Variants in ZNF577 observed in about 807,000 individuals in gnomAD.
ZNF577 encodes zinc finger protein 577.
Under a neutral mutation model 13.9 loss-of-function variants are expected in ZNF577, and 14 were observed. That is an observed-to-expected ratio of 1.00 (90% CI 0.66 to 1.57). The LOEUF is 1.57. Among genes scored for constraint, ZNF577 ranks in the 40% most tolerant of loss-of-function variants. ZNF577 has a pLI of 0.00. For synonymous variants in ZNF577, 203 were observed against 202.9 expected, an observed-to-expected ratio of 1.00 and a Z score of 0.00; for missense variants, 555 against 579.2, an observed-to-expected ratio of 0.96 and a Z score of 0.43.
At position 51,883,381 on chromosome 19, in the gene ZNF577, T is replaced by C. The variant is rs370166841; in HGVS notation, c.-218-2504A>G. Among the ~76,000 whole-genome samples, 11 of 152,154 alleles carry C rather than the reference T, an allele frequency of 7.2e-5. No individual in the cohort carries two copies. In the East Asian group the frequency reaches 1.7e-3, roughly 24 times the overall value. On this transcript the variant is annotated intron_variant, in intron 1 of 5. Coordinates refer to ENST00000638348, the MANE Select transcript of ZNF577 (RefSeq NM_001370449.1). The stretch of plus-strand genomic sequence containing the variant: ...CTCAAGCAATCCTCCCACCTCAGCC[T>C]CCCAAAGTGCTAGGATTACAGGCAT...
Position 51,868,738 on chromosome 19 carries a change from T to C in ZNF577, c.*3794A>G, listed in dbSNP as rs1349031140. 6.6e-6 allele frequency among the ~76,000 whole-genome samples: 1 copy of C among 152,206 alleles called. No homozygotes were observed. Among genetic ancestry groups the C allele is most frequent in the Non-Finnish European group, 1.5e-5 (1 of 68,034 alleles). On this transcript the variant is annotated 3_prime_UTR_variant, in exon 6 of 6. Transcript: ENST00000638348. ...GGGAAAGAAAGATAGATCAGACTGC[T>C]ACTGTGTCTATGTAGAAAAAGGAAG...
intron 5 of ZNF577, among the ~76,000 whole-genome samples, chr19:51,846,496 C>T (rs1363060608): frequency 6.6e-6 from 1 of 151,820 alleles, no homozygotes; most frequent in Non-Finnish European, 1.5e-5. Context: ...TCACTTGAGG[C>T]CAGGAGTTTG....
In ZNF577 at chr19:51,880,196, A is replaced by T; in HGVS notation, c.60+127T>A. On this transcript the variant is annotated intron_variant, in intron 3 of 5. Coordinates refer to ENST00000638348, the MANE Select transcript of ZNF577 (RefSeq NM_001370449.1). The stretch of plus-strand genomic sequence containing the variant: ...TACTCCTTAGCTTACCCCACTAAAC[A>T]ACAGGAAAAAGCCATAGAAAACATC... The T allele has an allele frequency of 3.0e-6, 3 of 1,005,318 alleles. No individual in the cohort carries two copies. In the South Asian group the frequency reaches 4.2e-5, roughly 14 times the overall value. The allele number at this position is 1,005,318 out of a possible 1,614,324, so 62.3% of individuals were successfully genotyped here.
chr19:51,856,029 G>A (rs1217023238), intron 5 of ZNF577: 2 of 152,120 alleles, frequency 1.3e-5, no homozygotes, highest in Non-Finnish European at 2.9e-5. Flanking sequence ...TATTTTTAAT[G>A]AGGTTCAAAA....
chr19:51,841,011 G>C (rs1450539030), intron 8 of ZNF577: 1 of 152,108 alleles, frequency 6.6e-6, no homozygotes. Flanking sequence ...CTAAGGGTAA[G>C]ACAAATTAGG....
At chr19:51,806,433 T>A (rs568884546) in intron 10 of ZNF577, among the ~76,000 whole-genome samples, 10 of 152,356 alleles carry the variant, frequency 6.6e-5, no homozygotes, top group African/African-American at 2.4e-4. Context: ...TGCCAATGTC[T>A]TTCTGCTGGA....
chr19:51,875,383 A>AG (rs1568448283), intron 5 of ZNF577, among the ~76,000 whole-genome samples: 2 of 148,260 alleles, frequency 1.3e-5, no homozygotes, highest in Non-Finnish European at 3.0e-5. Context: ...AAAAAAAAAA[A>AG]AGAGAGAGCT....
chr19:51,841,957 A>G (rs1001183532), intron 8 of ZNF577, among the ~76,000 whole-genome samples: 2 of 152,228 alleles, frequency 1.3e-5, no homozygotes, highest in African/African-American at 4.8e-5. Context: ...GTTCATATAC[A>G]AGAAAAATTC....
At chr19:51,829,693 G>T (rs542378910) in intron 9 of ZNF577, among the ~76,000 whole-genome samples, 36 of 152,304 alleles carry the variant, frequency 2.4e-4, no homozygotes, top group Non-Finnish European at 4.9e-4. Context: ...ATGATAAAAT[G>T]CTGGGCTTCA....
At chr19:51,816,427 T>C (rs936461878) in intron 9 of ZNF577, among the ~76,000 whole-genome samples, 5 of 152,224 alleles carry the variant, frequency 3.3e-5, no homozygotes, top group Admixed American at 2.0e-4. Context: ...TTTGTGTTTT[T>C]AGTAGAGACA....
rs1401203929 is a variant in ZNF577, at chr19:51,824,800, A to G, written c.*600-13126T>C. 6.2e-7 allele frequency: 1 copy of G among 1,608,444 alleles called. No individual in the cohort carries two copies. Among genetic ancestry groups the G allele is most frequent in the South Asian group, 1.1e-5 (1 of 90,488 alleles). On this transcript the variant is annotated intron_variant and NMD_transcript_variant, in intron 9 of 10. Transcript: ENST00000638827. This position sits in a 1 kb window ranked among gnomAD's most constrained non-coding sequence, Gnocchi z 4.7. ...TCACCTCCTGAGGAGACGGAGTTAC[A>G]AGCAATGTGAGGTCGGGGATATTTT...
rs561266808 is a variant in ZNF577, at chr19:51,880,027, G to A, written c.60+296C>T. 3.9e-5 allele frequency among the ~76,000 whole-genome samples: 6 copies of A among 152,258 alleles called. No homozygotes were observed. In the East Asian group the frequency reaches 1.2e-3, roughly 29 times the overall value. ...GGATGAGAGAATTCTTCTTCAGGGAGGATCATTCAAAGGTCAAGCAGCCCA... is the reference window on the plus strand; with the variant it reads ...GGATGAGAGAATTCTTCTTCAGGGAAGATCATTCAAAGGTCAAGCAGCCCA... On this transcript the variant is annotated intron_variant, in intron 3 of 5. Transcript: ENST00000638348.
chr19:51,813,383 TC>T (rs2084111752), intron 9 of ZNF577, among the ~76,000 whole-genome samples: 1 of 152,150 alleles, frequency 6.6e-6, no homozygotes, highest in Non-Finnish European at 1.5e-5. Context: ...TTTAATACCA[TC>T]ACCTTGGTAT....
In ZNF577 at chr19:51,867,289, C is replaced by T. The variant is rs1300407459; in HGVS notation, c.*5243G>A. ...AGCAAAACCTCACCGGGGCTTTTATCGTTTTTTTCTTCGGTTCTTAGGAAA... is the reference window on the plus strand; with the variant it reads ...AGCAAAACCTCACCGGGGCTTTTATTGTTTTTTTCTTCGGTTCTTAGGAAA... On this transcript the variant is annotated 3_prime_UTR_variant, in exon 6 of 6. Coordinates refer to ENST00000638348, the MANE Select transcript of ZNF577 (RefSeq NM_001370449.1). Among the ~76,000 whole-genome samples, 23 of 152,086 alleles carry T rather than the reference C, an allele frequency of 1.5e-4. No individual in the cohort carries two copies. Among genetic ancestry groups the T allele is most frequent in the Admixed American group, 1.5e-3 (23 of 15,270 alleles).
At chr19:51,816,527 C>A (rs1049747516) in intron 9 of ZNF577, among the ~76,000 whole-genome samples, 1 of 152,142 alleles carries the variant, frequency 6.6e-6, no homozygotes, top group Non-Finnish European at 1.5e-5. Context: ...GGATTACTGG[C>A]GTGAACCACC....
At chr19:51,847,188 T>C (rs1347105003) in intron 5 of ZNF577, among the ~76,000 whole-genome samples, 2 of 152,206 alleles carry the variant, frequency 1.3e-5, no homozygotes, top group Non-Finnish European at 1.5e-5. Flanking sequence ...AACTCATGAA[T>C]TTTGGTTGTA....
chr19:51,860,338 C>T (rs2084483436), intron 5 of ZNF577: 1 of 152,204 alleles, frequency 6.6e-6, no homozygotes, highest in Non-Finnish European at 1.5e-5. Context: ...TCTAATCCTC[C>T]ACAGAAATTA....
chr19:51,845,124 ATATGTAT>A (rs1415193089), intron 5 of ZNF577, among the ~76,000 whole-genome samples: 3 of 152,222 alleles, frequency 2.0e-5, no homozygotes, highest in African/African-American at 7.2e-5. Flanking sequence ...ACTAATTAAC[ATATGTAT>A]TACTTCACAT....
intron 5 of ZNF577, among the ~76,000 whole-genome samples, chr19:51,856,572 C>T (rs1231323697): frequency 6.6e-6 from 1 of 152,102 alleles, no homozygotes. Context: ...TTTAATTATC[C>T]GTATTTTGGG....
Sources: gnomAD v4.1 joint callset for allele counts (sites outside exome capture counted in the v4.1 genomes callset) on GRCh38, gnomAD v4.1.1 for gene constraint, Gnocchi (gnomAD v3.1) non-coding constraint, MANE v1.5 for transcripts, NCBI Gene and HGNC (gene_info 2026-07-23, HGNC 2026-07-21) for gene names.